The following SMPX variants were observed in gnomAD, a reference collection of about 807,000 sequenced individuals.
The protein encoded by SMPX is small muscle protein X-linked.
Under a neutral mutation model 6.3 loss-of-function variants are expected in SMPX, and 2 were observed. That is an observed-to-expected ratio of 0.32 (90% CI 0.13 to 0.99). The LOEUF is 0.99. SMPX is among the 50% of genes least tolerant of loss of function. The pLI is 0.49. For synonymous variants in SMPX, 32 were observed against 24.7 expected, an observed-to-expected ratio of 1.30 and a Z score of -0.88; for missense variants, 60 against 66.8, an observed-to-expected ratio of 0.90 and a Z score of 0.36.
At chrX:21,730,992 T>C (rs746070432) in intron 4 of SMPX, among the ~76,000 whole-genome samples, 165 of 111,846 alleles carry the variant, frequency 1.5e-3, no homozygotes, top group African/African-American at 5.2e-3. Flanking sequence ...TTTTTTAATA[T>C]AGTCATTTAT....
At chrX:21,724,513 T>C (rs2147378569) in intron 4 of SMPX, among the ~76,000 whole-genome samples, 1 of 112,428 alleles carries the variant, frequency 8.9e-6, no homozygotes, top group East Asian at 2.8e-4. Flanking sequence ...GGTGGGTAGA[T>C]TAATCTTGAA....
chrX:21,746,649 G>GTTT, intron 2 of SMPX, among the ~76,000 whole-genome samples: 1 of 68,009 alleles, frequency 1.5e-5, no homozygotes. Context: ...AACTTAAATG[G>GTTT]GTTTTTTTTT....
chrX:21,725,799 A>G (rs1183217057), intron 4 of SMPX, among the ~76,000 whole-genome samples: 2 of 112,305 alleles, frequency 1.8e-5, no homozygotes. Flanking sequence ...ATGAGCTCAT[A>G]TTAGTCACAG....
Position 21,737,648 on chromosome X carries a change from T to C in SMPX, c.182A>G (p.Lys61Arg), listed in dbSNP as rs201681071. Residue 61 changes from lysine (K) to arginine (R), a missense_variant, in exon 4 of 5, where the codon AAG (lysine) becomes AGG (arginine). Lys to Arg is a conservative substitution (Grantham distance 26). Coordinates refer to ENST00000379494, the MANE Select transcript of SMPX (RefSeq NM_014332.3). ...ATTGACTGCAGGTCCTGGAAGTTTC[T>C]TCGCTCCTGGAATTGGCTTCTTCTC... ...DEEKKPIPGAKKLPGPAVNLS... is the reference protein window; with the variant it reads ...DEEKKPIPGARKLPGPAVNLS... 24 of 1,207,834 alleles carry C rather than the reference T, an allele frequency of 2.0e-5. No homozygotes were observed. The highest frequency in any genetic ancestry group is 2.5e-5 in the Non-Finnish European group (22 of 892,938).
At chrX:21,752,808 C>T (rs892610303) in intron 2 of SMPX, among the ~76,000 whole-genome samples, 16 of 111,584 alleles carry the variant, frequency 1.4e-4, no homozygotes, top group South Asian at 3.8e-4. Flanking sequence ...TGAACCACCG[C>T]GCCCGGCCTA....
At chrX:21,709,411 C>G (rs1455074573) in intron 4 of SMPX, among the ~76,000 whole-genome samples, 1 of 112,299 alleles carries the variant, frequency 8.9e-6, no homozygotes, top group African/African-American at 3.2e-5. Context: ...CCTCATGTTT[C>G]CCACTATAGC....
chrX:21,743,717 A>G (rs1569308541), intron 3 of SMPX, 33 bp downstream of exon 3: 1 of 1,123,136 alleles, frequency 8.9e-7, no homozygotes, highest in Non-Finnish European at 1.2e-6. Context: ...AGGGAAAAAC[A>G]TTGCTGTGTT....
intron 4 of SMPX, among the ~76,000 whole-genome samples, chrX:21,718,791 A>G (rs952680024): frequency 1.8e-5 from 2 of 112,054 alleles, no homozygotes; most frequent in African/African-American, 6.5e-5. Flanking sequence ...GCCCCATTAG[A>G]CAAAATAGGT....
At chrX:21,741,854 T>A (rs1449400778) in intron 3 of SMPX, among the ~76,000 whole-genome samples, 1 of 112,229 alleles carries the variant, frequency 8.9e-6, no homozygotes, top group Non-Finnish European at 1.9e-5. Flanking sequence ...CTCCATCCTA[T>A]GAAAAATACT....
At chrX:21,729,636 T>C (rs1373592921) in intron 4 of SMPX, among the ~76,000 whole-genome samples, 7 of 111,641 alleles carry the variant, frequency 6.3e-5, no homozygotes, top group Admixed American at 4.8e-4. Flanking sequence ...TGTGCCAGTA[T>C]AGGAAGATCA....
chrX:21,732,444 GAGAGAAGCTAGTCTT>G (rs1342480485), intron 4 of SMPX, among the ~76,000 whole-genome samples: 1 of 111,696 alleles, frequency 9.0e-6, no homozygotes, highest in Non-Finnish European at 1.9e-5. Context: ...TGGACCTTTT[GAGAGAAGCTAGTCTT>G]TCTTTTAAAG....
At chrX:21,715,917 G>GA (rs2092784619) in intron 4 of SMPX, among the ~76,000 whole-genome samples, 1 of 111,433 alleles carries the variant, frequency 9.0e-6, no homozygotes, top group Non-Finnish European at 1.9e-5. Context: ...TGCTGAGGTG[G>GA]AAAAAAACAA....
chrX:21,749,165 G>A (rs757871126), intron 2 of SMPX, among the ~76,000 whole-genome samples: 1 of 112,210 alleles, frequency 8.9e-6, no homozygotes, highest in Non-Finnish European at 1.9e-5. Flanking sequence ...ATGCTAAGAA[G>A]CCACATACTC....
At chrX:21,718,864 C>T (rs928204399) in intron 4 of SMPX, among the ~76,000 whole-genome samples, 7 of 111,861 alleles carry the variant, frequency 6.3e-5, no homozygotes, top group South Asian at 3.8e-4. Context: ...CAAGCCTTGT[C>T]GTTTTTGAAC....
chrX:21,735,321 T>A (rs747818251), intron 4 of SMPX, among the ~76,000 whole-genome samples: 1 of 112,483 alleles, frequency 8.9e-6, no homozygotes, highest in East Asian at 2.8e-4. Flanking sequence ...ACAATGACTG[T>A]ACTCATTTGG....
chrX:21,743,049 C>T (rs2092817659), intron 3 of SMPX, among the ~76,000 whole-genome samples: 1 of 111,627 alleles, frequency 9.0e-6, no homozygotes, highest in Non-Finnish European at 1.9e-5. Flanking sequence ...GAAACTCTTC[C>T]CTATTTATGG....
chrX:21,733,774 G>A (rs1166775208), intron 4 of SMPX: 1 of 327,457 alleles, frequency 3.1e-6, no homozygotes, highest in Admixed American at 3.1e-5. Context: ...AAAGAGATGA[G>A]ATGGTGTAGG....
At chrX:21,720,660 G>C (rs146623993) in intron 4 of SMPX, among the ~76,000 whole-genome samples, 4,546 of 112,055 alleles carry the variant, frequency 0.041, 91 homozygotes, top group Non-Finnish European at 0.061. Flanking sequence ...CTGGATCCTG[G>C]CTACAGGGTA....
At chrX:21,721,741 C>T (rs887750639) in intron 4 of SMPX, among the ~76,000 whole-genome samples, 2 of 112,225 alleles carry the variant, frequency 1.8e-5, no homozygotes, top group African/African-American at 6.5e-5. Context: ...TTTGCTGCTG[C>T]CTGACTCTGT....
Sources: allele counts gnomAD v4.1 joint callset (sites outside exome capture counted in the v4.1 genomes callset), GRCh38; gene constraint gnomAD v4.1.1; transcripts MANE v1.5; gene names NCBI Gene and HGNC (gene_info 2026-07-23, HGNC 2026-07-21).